Variants in AAK1 observed in about 807,000 individuals in gnomAD.
The protein encoded by AAK1 is AP2-associated protein kinase 1.
AAK1 carries 37 observed loss-of-function variants against 116.0 expected under a neutral mutation model. The observed-to-expected ratio is 0.32, with a 90% CI of 0.25 to 0.42. The LOEUF (loss-of-function observed/expected upper bound fraction) is 0.42, where lower values mean the gene tolerates loss of function less well. AAK1 is among the 10% of genes least tolerant of loss of function. AAK1 has a pLI of 1.00. For synonymous variants in AAK1, 458 were observed against 439.9 expected, an observed-to-expected ratio of 1.04 and a Z score of -0.51; for missense variants, 919 against 1,170.6, an observed-to-expected ratio of 0.79 and a Z score of 3.14.
intron 2 of AAK1, among the ~76,000 whole-genome samples, chr2:69,566,942 A>G (rs911178761): frequency 6.6e-6 from 1 of 152,156 alleles, no homozygotes; most frequent in Non-Finnish European, 1.5e-5. Context: ...ATGTAGAGAG[A>G]TATGCTGAAA....
intron 10 of AAK1, among the ~76,000 whole-genome samples, chr2:69,522,963 T>C (rs1000275393): frequency 6.6e-6 from 1 of 152,228 alleles, no homozygotes; most frequent in African/African-American, 2.4e-5. Flanking sequence ...ATCTGAGTTC[T>C]AGCTCCTCAC....
chr2:69,575,530 C>T (rs1364163760), intron 2 of AAK1, among the ~76,000 whole-genome samples: 3 of 141,930 alleles, frequency 2.1e-5, no homozygotes, highest in Non-Finnish European at 4.5e-5. Context: ...AGTGCAATGG[C>T]GCAATCTCGG....
intron 2 of AAK1, among the ~76,000 whole-genome samples, chr2:69,620,959 C>G (rs578151674): frequency 6.6e-6 from 1 of 152,346 alleles, no homozygotes; most frequent in East Asian, 1.9e-4. Context: ...CATTAGCCAA[C>G]TTTAATGAAA....
chr2:69,495,855 T>C, intron 17 of AAK1, 130 bp downstream of exon 17: 1 of 703,566 alleles, frequency 1.4e-6, no homozygotes, highest in Non-Finnish European at 2.3e-6. Flanking sequence ...AGTAAAAATA[T>C]ACAACAGCAG....
At chr2:69,524,267 G>T (rs1037114636) in intron 10 of AAK1, among the ~76,000 whole-genome samples, 1 of 152,136 alleles carries the variant, frequency 6.6e-6, no homozygotes, top group Non-Finnish European at 1.5e-5. Context: ...AAAAGAGATA[G>T]GGTCTCACTG....
intron 2 of AAK1, among the ~76,000 whole-genome samples, chr2:69,629,722 C>A (rs561402639): frequency 3.9e-5 from 6 of 152,276 alleles, no homozygotes; most frequent in African/African-American, 1.4e-4. Context: ...AATATTCATC[C>A]AGTTAATTCA....
At chr2:69,605,710 T>C (rs1673770344) in intron 2 of AAK1, among the ~76,000 whole-genome samples, 1 of 152,208 alleles carries the variant, frequency 6.6e-6, no homozygotes, top group Admixed American at 6.5e-5. Context: ...TGTGTAGATG[T>C]GTGTAACCAC....
At position 69,642,997 on chromosome 2, in the gene AAK1, C is replaced by A. The variant is rs763453357; in HGVS notation, c.44G>T (p.Gly15Val). The A allele has an allele frequency of 6.2e-7, 1 of 1,611,612 alleles. No homozygotes were observed. Among genetic ancestry groups the A allele is most frequent in the Non-Finnish European group, 8.5e-7 (1 of 1,178,966 alleles). The change falls in exon 2 of 22, where the codon GGC becomes GTC. Residue 15 changes from glycine (G) to valine (V), a missense_variant. Physicochemically the swap from Gly to Val is moderately radical, Grantham distance 109. Coordinates refer to ENST00000409085, the MANE Select transcript of AAK1 (RefSeq NM_014911.5). ...TCCTCCGCTGGAGCCGGAGCCCAGGCCAGAGCCGCCCTGCTCTCGCCGGGA... is the reference window on the plus strand; with the variant it reads ...TCCTCCGCTGGAGCCGGAGCCCAGGACAGAGCCGCCCTGCTCTCGCCGGGA... ...FDSRREQGGS[G>V]LGSGSSGGGG... is the part of the protein sequence containing the mutation.
intron 2 of AAK1, among the ~76,000 whole-genome samples, chr2:69,570,574 T>C (rs1242163084): frequency 1.3e-5 from 2 of 152,066 alleles, no homozygotes. Context: ...AAAAACAACA[T>C]TCTAGGCTGT....
chr2:69,540,610 T>C (rs1323768072), intron 5 of AAK1, among the ~76,000 whole-genome samples: 2 of 152,166 alleles, frequency 1.3e-5, no homozygotes, highest in East Asian at 3.8e-4. Flanking sequence ...ATAACAAGTG[T>C]TGGTAAAGAT....
intron 2 of AAK1, among the ~76,000 whole-genome samples, chr2:69,599,924 T>C (rs373113594): frequency 6.6e-6 from 1 of 151,772 alleles, no homozygotes; most frequent in East Asian, 1.9e-4. Context: ...ACTACAAGTG[T>C]ATGCCACCAT....
At chr2:69,641,607 T>C (rs547072965) in intron 2 of AAK1, among the ~76,000 whole-genome samples, 4 of 152,270 alleles carry the variant, frequency 2.6e-5, no homozygotes, top group South Asian at 2.1e-4. Flanking sequence ...CCCAGAAAAC[T>C]GGGCCCTGCT....
chr2:69,465,990 G>T lies in AAK1; in HGVS notation c.*9879C>A, dbSNP rs1409610992. 7.7e-7 allele frequency: 1 copy of T among 1,290,874 alleles called. No homozygotes were observed. The allele number at this position is 1,290,874 out of a possible 1,614,324, so 80.0% of individuals were successfully genotyped here. ...CATGCTTTTCTTCTTAGTGAAAGGAGCTCTCAAAAACACGTCTGACTCCTC... is the reference window on the plus strand; with the variant it reads ...CATGCTTTTCTTCTTAGTGAAAGGATCTCTCAAAAACACGTCTGACTCCTC... On this transcript the variant is annotated 3_prime_UTR_variant, in exon 22 of 22. Transcript: ENST00000409085.
At chr2:69,510,781 G>A (rs1028947515) in intron 13 of AAK1, among the ~76,000 whole-genome samples, 1 of 152,148 alleles carries the variant, frequency 6.6e-6, no homozygotes, top group East Asian at 1.9e-4. Flanking sequence ...TGTAGCATTA[G>A]TTTAGTGGGA....
At chr2:69,484,806 C>T (rs1384500666) in intron 17 of AAK1, among the ~76,000 whole-genome samples, 7 of 150,912 alleles carry the variant, frequency 4.6e-5, no homozygotes, top group East Asian at 1.9e-4. Context: ...ACTCAGGAGG[C>T]GGAGGCTGCA....
intron 3 of AAK1, among the ~76,000 whole-genome samples, chr2:69,552,645 A>C (rs1021276010): frequency 3.3e-4 from 50 of 152,094 alleles, no homozygotes; most frequent in Non-Finnish European, 6.9e-4. Context: ...TGGGAGGCAG[A>C]GATTGCAGTG....
intron 2 of AAK1, among the ~76,000 whole-genome samples, chr2:69,641,950 T>C (rs1469569221): frequency 6.6e-6 from 1 of 152,116 alleles, no homozygotes; most frequent in Non-Finnish European, 1.5e-5. Context: ...GCTGCTTTTA[T>C]TAAAAATAAA....
intron 10 of AAK1, among the ~76,000 whole-genome samples, chr2:69,521,568 T>G (rs1669779541): frequency 6.6e-6 from 1 of 152,218 alleles, no homozygotes; most frequent in Non-Finnish European, 1.5e-5. Context: ...GAAACTCCAT[T>G]TCTTCCAATA....
intron 3 of AAK1, among the ~76,000 whole-genome samples, chr2:69,555,339 C>T (rs188451030): frequency 4.3e-4 from 65 of 152,300 alleles, no homozygotes; most frequent in African/African-American, 1.4e-3. Context: ...CTGACAGTTC[C>T]TTCCCAAATA....
Sources: gnomAD v4.1 joint callset for allele counts (sites outside exome capture counted in the v4.1 genomes callset) on GRCh38, gnomAD v4.1.1 for gene constraint, MANE v1.5 for transcripts, NCBI Gene and HGNC (gene_info 2026-07-23, HGNC 2026-07-21) for gene names.